Variants in RBFOX3 observed in about 807,000 individuals in gnomAD.
RBFOX3 encodes the protein RNA binding fox-1 homolog 3, also known as RNA binding protein fox-1 homolog 3.
RBFOX3 carries 17 observed loss-of-function variants against 48.7 expected under a neutral mutation model. That is an observed-to-expected ratio of 0.35 (90% CI 0.24 to 0.52). The LOEUF (loss-of-function observed/expected upper bound fraction) is 0.52. Ranked by LOEUF, RBFOX3 falls within the 20% of genes least tolerant of loss-of-function variation. RBFOX3 has a pLI of 0.94. For missense variants in RBFOX3, 382 were observed against 497.5 expected, an observed-to-expected ratio of 0.77 and a Z score of 2.21; for synonymous variants, 212 against 209.5, an observed-to-expected ratio of 1.01 and a Z score of -0.10.
At chr17:79,288,975 G>A (rs1171030954) in intron 3 of RBFOX3, among the ~76,000 whole-genome samples, 1 of 152,310 alleles carries the variant, frequency 6.6e-6, no homozygotes, top group East Asian at 1.9e-4. Flanking sequence ...CAGGGAATGA[G>A]GGGGTGAGCC....
chr17:79,298,015 C>T lies in RBFOX3; in HGVS notation c.-74+9709G>A, dbSNP rs558637022. Among the ~76,000 whole-genome samples the T allele has an allele frequency of 2.0e-4, 30 of 152,302 alleles. 1 individual carries two copies. The highest frequency in any genetic ancestry group is 5.3e-4 in the African/African-American group (22 of 41,570). On this transcript the variant is annotated intron_variant, in intron 3 of 14. Transcript: ENST00000693108. ...TGGAGAGTTCGCCATCAAGCAAATA[C>T]GAAACACATTTGGGTTAAGTCATTG... is the stretch of plus-strand genomic sequence containing the variant.
At chr17:79,164,878 G>A (rs889291675) in intron 4 of RBFOX3, among the ~76,000 whole-genome samples, 5 of 152,146 alleles carry the variant, frequency 3.3e-5, no homozygotes, top group African/African-American at 7.2e-5. Context: ...AACTTCCCTC[G>A]CCCCTCTTCT....
intron 2 of RBFOX3, among the ~76,000 whole-genome samples, chr17:79,436,374 C>T (rs115747878): frequency 0.015 from 2,360 of 152,352 alleles, 71 homozygotes; most frequent in African/African-American, 0.054. Context: ...GGCATGGCCC[C>T]GGGTGCACCT....
At chr17:79,438,371 T>C (rs1026491541) in intron 2 of RBFOX3, among the ~76,000 whole-genome samples, 2 of 152,218 alleles carry the variant, frequency 1.3e-5, no homozygotes, top group Non-Finnish European at 2.9e-5. Context: ...CTGTTTTTCA[T>C]GGAAGGATCA....
At chr17:79,240,563 C>G (rs893023443) in intron 3 of RBFOX3, among the ~76,000 whole-genome samples, 2 of 152,238 alleles carry the variant, frequency 1.3e-5, no homozygotes, top group Non-Finnish European at 1.5e-5. Context: ...TCATTGACCT[C>G]ACGTCAGCCC....
chr17:79,332,243 T>C (rs999405295), intron 2 of RBFOX3, among the ~76,000 whole-genome samples: 5 of 152,216 alleles, frequency 3.3e-5, no homozygotes, highest in African/African-American at 1.2e-4. Flanking sequence ...CTCCAGGCCC[T>C]CAGGACTGGA....
At chr17:79,433,076 A>T (rs773537803) in intron 2 of RBFOX3, among the ~76,000 whole-genome samples, 50 of 152,272 alleles carry the variant, frequency 3.3e-4, no homozygotes, top group Non-Finnish European at 6.6e-4. Flanking sequence ...GTGGTTGGCA[A>T]GCTTGCCTGT....
At chr17:79,644,888 G>A in the RBFOX3 span, among the ~76,000 whole-genome samples, 1 of 152,144 alleles carries the variant, frequency 6.6e-6, no homozygotes, top group Non-Finnish European at 1.5e-5. Flanking sequence ...CTTCTTTGTA[G>A]AAATTGACAA....
In RBFOX3 at chr17:79,471,437, A is replaced by T. The variant is rs1171723559; in HGVS notation, c.-175+11017T>A. ...ATGGTTTAGAATAATGACCCATCCA[A>T]TGACATTCTGGCTCACAGACAAGAG... On this transcript the variant is annotated intron_variant, in intron 2 of 14. Coordinates refer to ENST00000693108, the MANE Select transcript of RBFOX3 (RefSeq NM_001350451.2). The surrounding 1 kb of genome is among the most constrained non-coding windows in gnomAD (Gnocchi z 4.0). Among the ~76,000 whole-genome samples, 1 of 152,224 alleles carries T rather than the reference A, an allele frequency of 6.6e-6. No individual in the cohort carries two copies. The highest frequency in any genetic ancestry group is 1.5e-5 in the Non-Finnish European group (1 of 68,040).
intron 1 of RBFOX3, among the ~76,000 whole-genome samples, chr17:79,558,693 G>A (rs2091958688): frequency 6.6e-6 from 1 of 152,180 alleles, no homozygotes. Flanking sequence ...CTGCCTTGCG[G>A]GGATTGGGTT....
In RBFOX3 at chr17:79,096,755, T is replaced by C; in HGVS notation, c.834A>G (p.Thr278=). 6.7e-7 allele frequency: 1 copy of C among 1,484,502 alleles called. No individual in the cohort carries two copies. The highest frequency in any genetic ancestry group is 2.5e-5 in the East Asian group (1 of 40,562). The allele number at this position is 1,484,502 out of a possible 1,614,324, so 92.0% of individuals were successfully genotyped here. The stretch of plus-strand genomic sequence containing the variant: ...GAGAGGTGGGGTAGGCCGGCTCCGG[T>C]GTCTGCTGAGGAGGGAGGGGGCACG... ...LAPCPLPPQQ[T]PEPAYPTSPA... The change falls in exon 12 of 15, where the codon ACA becomes ACG. Residue 278 remains threonine (T), a synonymous_variant. Coordinates refer to ENST00000693108, the MANE Select transcript of RBFOX3 (RefSeq NM_001350451.2).
intron 3 of RBFOX3, among the ~76,000 whole-genome samples, chr17:79,267,832 T>C (rs184126821): frequency 6.6e-6 from 1 of 152,110 alleles, no homozygotes; most frequent in Non-Finnish European, 1.5e-5. Context: ...AACCTGGGCG[T>C]GTCAACTGGC....
Position 79,095,532 on chromosome 17 carries a change from C to T in RBFOX3, c.979G>A (p.Ala327Thr). The change falls in exon 13 of 15, where the codon GCG becomes ACG. Residue 327 changes from alanine to threonine, a missense_variant. Transcript: ENST00000693108. Reference protein sequence around the residue: ...AYRYAQPAAAAAAYSDSYGRV... With the variant: ...AYRYAQPAAATAAYSDSYGRV... ...CCTCACCTGTCGCTGTAGGCTGCCG[C>T]CGCTGCAGCGGGCTGAGCGTATCTG... The T allele has an allele frequency of 1.3e-6, 2 of 1,551,386 alleles. No individual in the cohort carries two copies. Among genetic ancestry groups the T allele is most frequent in the Non-Finnish European group, 8.7e-7 (1 of 1,146,778 alleles).
chr17:79,485,348 C>T (rs1021860562), intron 1 of RBFOX3, among the ~76,000 whole-genome samples: 1 of 152,106 alleles, frequency 6.6e-6, no homozygotes, highest in Non-Finnish European at 1.5e-5. Context: ...GCAGCCAGTC[C>T]AGGGCCAGGG....
intron 1 of RBFOX3, among the ~76,000 whole-genome samples, chr17:79,584,946 T>C (rs1306402614): frequency 6.6e-6 from 1 of 151,894 alleles, no homozygotes; most frequent in Non-Finnish European, 1.5e-5. Flanking sequence ...TTTGTATTTT[T>C]AGTAGAGACG....
chr17:79,196,797 G>A (rs1158810142), intron 4 of RBFOX3, among the ~76,000 whole-genome samples: 4 of 152,230 alleles, frequency 2.6e-5, no homozygotes, highest in African/African-American at 9.6e-5. Context: ...TTTGAATTAG[G>A]AATGCATTAT....
chr17:79,390,448 C>T lies in RBFOX3; in HGVS notation c.-174-82624G>A, dbSNP rs1001078860. On this transcript the variant is annotated intron_variant, in intron 2 of 14. Transcript: ENST00000693108. The surrounding 1 kb of genome is among the most constrained non-coding windows in gnomAD (Gnocchi z 4.2). ...CTGGAAAATGCACTCAGAGTCCAAC[C>T]GGCGTGGAAATACAGTCTTTGCGCC... Among the ~76,000 whole-genome samples the T allele has an allele frequency of 1.3e-5, 2 of 151,774 alleles. No homozygotes were observed. Among genetic ancestry groups the T allele is most frequent in the African/African-American group, 2.4e-5 (1 of 41,346 alleles).
intron 2 of RBFOX3, among the ~76,000 whole-genome samples, chr17:79,468,972 AT>A (rs2076705892): frequency 6.6e-6 from 1 of 151,140 alleles, no homozygotes; most frequent in Non-Finnish European, 1.5e-5. Context: ...GGATGGATGG[AT>A]GGATGGATGG....
At chr17:79,495,880 G>C (rs1217328175) in intron 1 of RBFOX3, among the ~76,000 whole-genome samples, 1 of 151,718 alleles carries the variant, frequency 6.6e-6, no homozygotes, top group African/African-American at 2.4e-5. Context: ...CTGTGGGCAG[G>C]GACCCTGCAG....
Sources: allele counts gnomAD v4.1 joint callset (sites outside exome capture counted in the v4.1 genomes callset), GRCh38; gene constraint gnomAD v4.1.1; non-coding constraint Gnocchi (gnomAD v3.1); transcripts MANE v1.5; gene names NCBI Gene and HGNC (gene_info 2026-07-23, HGNC 2026-07-21).